TTN: variants seen among roughly 807,000 people sequenced by gnomAD.
The protein encoded by TTN is titin.
In TTN, 1,525 loss-of-function variants were observed where a neutral mutation model predicts 3,223.0. The observed-to-expected ratio is 0.47, with a 90% CI of 0.45 to 0.49. The LOEUF (loss-of-function observed/expected upper bound fraction) is 0.49, where lower values mean the gene tolerates loss of function less well. Among genes scored for constraint, TTN ranks in the 20% least tolerant of loss-of-function variants. TTN has a pLI of 0.00. For missense variants in TTN, 40,786 were observed against 43,424.0 expected, an observed-to-expected ratio of 0.94 and a Z score of 5.40; for synonymous variants, 14,094 against 15,161.0, an observed-to-expected ratio of 0.93 and a Z score of 5.17.
chr2:178,799,440 C>G, intron 6 of TTN, 47 bp downstream of exon 6: 1 of 1,613,106 alleles, frequency 6.2e-7, no homozygotes, highest in Non-Finnish European at 8.5e-7. Context: ...GTTTCAAAAC[C>G]TAGTTCCAAA....
intron 236 of TTN, 122 bp downstream of exon 236, chr2:178,632,025 T>G: frequency 9.6e-7 from 1 of 1,039,516 alleles, no homozygotes; most frequent in Non-Finnish European, 1.3e-6. Context: ...ATGTGATAGC[T>G]TCTTAAGGAG....
In TTN at chr2:178,534,146, A is replaced by T. The variant is rs1690398019; in HGVS notation, c.102469T>A (p.Cys34157Ser). Residue 34157 changes from cysteine to serine, a missense_variant, in exon 358 of 363, where the codon TGC becomes AGC. Physicochemically the swap from Cys to Ser is moderately radical, Grantham distance 112. Transcript: ENST00000589042. ...GEEGGHVKYV[C>S]KIENYDQSTQ... ...GACTGATCATAATTTTCAATTTTGC[A>T]TACATATTTGACATGTCCTCCTTCT... 3 of 1,613,840 alleles carry T rather than the reference A, an allele frequency of 1.9e-6. No homozygotes were observed. The highest frequency in any genetic ancestry group is 1.3e-5 in the African/African-American group (1 of 74,908).
At chr2:178,648,884 T>A (rs1033637601) in intron 213 of TTN, among the ~76,000 whole-genome samples, 3 of 152,184 alleles carry the variant, frequency 2.0e-5, no homozygotes, top group South Asian at 4.1e-4. Context: ...TCCTGTTATC[T>A]TTCTATCCTC....
At chr2:178,800,314 G>C in intron 4 of TTN, 81 bp downstream of exon 4, 1 of 1,565,472 alleles carries the variant, frequency 6.4e-7, no homozygotes, top group African/African-American at 1.4e-5. Context: ...GCTGTGAGAG[G>C]TGGCAAGTGG....
Position 178,634,602 on chromosome 2 carries a change from A to G in TTN, c.42179T>C (p.Leu14060Pro). Residue 14060 changes from leucine (L) to proline (P), a missense_variant, in exon 230 of 363, where the codon CTG (leucine) becomes CCG (proline). Coordinates refer to ENST00000589042, the MANE Select transcript of TTN (RefSeq NM_001267550.2). This position sits in a 1 kb window ranked among gnomAD's most constrained non-coding sequence, Gnocchi z 4.6. Reference protein sequence around the residue: ...KEIELDFAVPLKDVTVPERRQ... With the variant: ...KEIELDFAVPPKDVTVPERRQ... Reference sequence around the variant, plus strand: ...CCTTTCTGGAACAGTGACATCCTTCAGGGGCACAGCAAAGTCAAGTTCGAT... The same window carrying G: ...CCTTTCTGGAACAGTGACATCCTTCGGGGGCACAGCAAAGTCAAGTTCGAT... 1 of 1,613,358 alleles carries G rather than the reference A, an allele frequency of 6.2e-7. No homozygotes were observed.
intron 163 of TTN, among the ~76,000 whole-genome samples, chr2:178,666,259 A>T (rs1027221820): frequency 3.9e-5 from 6 of 152,124 alleles, no homozygotes; most frequent in Non-Finnish European, 8.8e-5. Flanking sequence ...CAAATTACAG[A>T]ATACCATGGG....
Position 178,804,561 on chromosome 2 carries a change from G to A in TTN, c.82C>T (p.His28Tyr). 1 of 1,613,908 alleles carries A rather than the reference G, an allele frequency of 6.2e-7. No homozygotes were observed. Among genetic ancestry groups the A allele is most frequent in the Non-Finnish European group, 8.5e-7 (1 of 1,179,936 alleles). The change falls in exon 2 of 363, where the codon CAC becomes TAC. Residue 28 changes from histidine (H) to tyrosine (Y), a missense_variant. Coordinates refer to ENST00000589042, the MANE Select transcript of TTN (RefSeq NM_001267550.2). The part of the protein sequence containing the change: ...LEGSTATFEA[H>Y]ISGFPVPEVS... ...GAATGTGTGAGCTTACCACTAATGT[G>A]AGCCTCAAAGGTTGCGGTACTACCC...
At position 178,571,095 on chromosome 2, in the gene TTN, G is replaced by T; in HGVS notation, c.75037C>A (p.Pro25013Thr). 6.2e-7 allele frequency: 1 copy of T among 1,613,374 alleles called. No individual in the cohort carries two copies. Among genetic ancestry groups the T allele is most frequent in the Non-Finnish European group, 8.5e-7 (1 of 1,179,578 alleles). Residue 25013 changes from proline to threonine, a missense_variant, in exon 326 of 363, where the codon CCA (proline) becomes ACA (threonine). Physicochemically the swap from Pro to Thr is conservative, Grantham distance 38. Coordinates refer to ENST00000589042, the MANE Select transcript of TTN (RefSeq NM_001267550.2). ...TTCCTTGTGACAATGATTGCCTCTGGCCGTCCTGGTGGATCACATGGGTCA... is the reference window on the plus strand; with the variant it reads ...TTCCTTGTGACAATGATTGCCTCTGTCCGTCCTGGTGGATCACATGGGTCA... ...ARDPCDPPGR[P>T]EAIIVTRNSV...
chr2:178,684,036 T>A lies in TTN; in HGVS notation c.32769A>T (p.Lys10923Asn). The A allele has an allele frequency of 6.2e-7, 1 of 1,612,108 alleles. No homozygotes were observed. Among genetic ancestry groups the A allele is most frequent in the Non-Finnish European group, 8.5e-7 (1 of 1,178,976 alleles). The change falls in exon 133 of 363, where the codon AAA becomes AAT. Residue 10923 changes from lysine to asparagine, a missense_variant. Lys to Asn is a moderately conservative substitution (Grantham distance 94, BLOSUM62 0). Coordinates refer to ENST00000589042, the MANE Select transcript of TTN (RefSeq NM_001267550.2). ...GTTCCTCCTCTCTTTTAGGTTTGAG[T>A]TTCAGAACTTTTTCTTCTGGGACAG... ...KRAVPEEKVLKLKPKREEEPP... is the reference protein window; with the variant it reads ...KRAVPEEKVLNLKPKREEEPP...
chr2:178,682,813 T>A lies in TTN; in HGVS notation c.32978A>T (p.Glu10993Val). The part of the protein sequence containing the change: ...VQREEEYEEY[E>V]EYDYKEFEEY... ...CTCAAATTCTTTATAATCATATTCT[T>A]CATATTCCTCATATTCTTCTTCCCG... The change falls in exon 135 of 363, where the codon GAA becomes GTA. Residue 10993 changes from glutamate to valine, a missense_variant. Coordinates refer to ENST00000589042, the MANE Select transcript of TTN (RefSeq NM_001267550.2). 6.2e-7 allele frequency: 1 copy of A among 1,612,392 alleles called. No homozygotes were observed. The highest frequency in any genetic ancestry group is 1.7e-4 in the Middle Eastern group (1 of 6,042).
chr2:178,630,136 T>G, intron 239 of TTN, 105 bp downstream of exon 239: 1 of 1,502,574 alleles, frequency 6.7e-7, no homozygotes, highest in East Asian at 2.4e-5. Flanking sequence ...TTTTTGTGTT[T>G]TAATAATATT....
rs766182859 is a variant in TTN at position 178,550,917 on chromosome 2, A to T, written c.91564+50T>A. ...AGGCCAGGGGCCAAATGTGTTTTTT[A>T]AAAATGTGAATGCTCTTAGTCTCAT... On this transcript the variant is annotated intron_variant, in intron 336 of 362. Coordinates refer to ENST00000589042, the MANE Select transcript of TTN (RefSeq NM_001267550.2). 4 of 1,560,300 alleles carry T rather than the reference A, an allele frequency of 2.6e-6. No individual in the cohort carries two copies. The Admixed American group carries it at 5.7e-5, about 22-fold the overall frequency.
In TTN at chr2:178,704,763, G is replaced by A. The variant is rs1437200210; in HGVS notation, c.29709C>T (p.Ile9903=). The A allele has an allele frequency of 1.2e-6, 2 of 1,609,858 alleles. No homozygotes were observed. ...RLSQTEPVTL[I]KDIENQTVLK... Reference sequence around the variant, plus strand: ...AAACTGTCTGATTTTCAATGTCCTTGATCAGAGTGACAGGCTAGGAGAATA... The same window carrying A: ...AAACTGTCTGATTTTCAATGTCCTTAATCAGAGTGACAGGCTAGGAGAATA... The change falls in exon 105 of 363, where the codon ATC becomes ATT. Residue 9903 remains isoleucine, a synonymous_variant. Coordinates refer to ENST00000589042, the MANE Select transcript of TTN (RefSeq NM_001267550.2).
chr2:178,715,930 G>T (rs1286341397), intron 88 of TTN, among the ~76,000 whole-genome samples, 156 bp from the exon 89 acceptor site: 1 of 152,088 alleles, frequency 6.6e-6, no homozygotes, highest in Non-Finnish European at 1.5e-5. Flanking sequence ...AACCTAAATA[G>T]AAAATTTCTA....
rs1242603048 is a variant in TTN, at chr2:178,546,880, T to A, written c.94548A>T (p.Thr31516=). The change falls in exon 341 of 363, where the codon ACA becomes ACT. Residue 31516 remains threonine (T), a synonymous_variant. Coordinates refer to ENST00000589042, the MANE Select transcript of TTN (RefSeq NM_001267550.2). ...PVDAPGRPEV[T]DVTRSTVSLI... ...GTGATACTGTTGATCTTGTGACATC[T>A]GTCACCTCTGGTCTGCCTGGTGCAT... 6.3e-7 allele frequency: 1 copy of A among 1,593,256 alleles called. No homozygotes were observed. The highest frequency in any genetic ancestry group is 1.7e-5 in the Admixed American group (1 of 59,236).
chr2:178,636,994 A>G lies in TTN; in HGVS notation c.40928-195T>C, dbSNP rs1027419403. On this transcript the variant is annotated intron_variant, in intron 224 of 362. Coordinates refer to ENST00000589042, the MANE Select transcript of TTN (RefSeq NM_001267550.2). This position sits in a 1 kb window ranked among gnomAD's most constrained non-coding sequence, Gnocchi z 4.3. ...GAAAATGAGATGGTATAAGGAATCC[A>G]TGAATAATAAATGTCCCTTTTCTCA... is the stretch of plus-strand genomic sequence containing the variant. Among the ~76,000 whole-genome samples the G allele has an allele frequency of 6.6e-6, 1 of 151,672 alleles. No homozygotes were observed. The highest frequency in any genetic ancestry group is 2.4e-5 in the African/African-American group (1 of 41,374).
chr2:178,620,435 G>C lies in TTN; in HGVS notation c.46086C>G (p.Asp15362Glu), dbSNP rs2058092096. The change falls in exon 248 of 363, where the codon GAC becomes GAG. Residue 15362 changes from aspartate (D) to glutamate (E), a missense_variant. Coordinates refer to ENST00000589042, the MANE Select transcript of TTN (RefSeq NM_001267550.2). ...DKYKHMLTIKDCGFPDEGEYI... is the reference protein window; with the variant it reads ...DKYKHMLTIKECGFPDEGEYI... The stretch of plus-strand genomic sequence containing the variant: ...ATTCACCTTCATCTGGGAAGCCACA[G>C]TCTTTAATGGTTAACATGTGCTTGT... 1 of 1,612,272 alleles carries C rather than the reference G, an allele frequency of 6.2e-7. No homozygotes were observed. Among genetic ancestry groups the C allele is most frequent in the Non-Finnish European group, 8.5e-7 (1 of 1,178,890 alleles).
rs1413287731 is a variant in TTN, at chr2:178,592,771, T to C, written c.59344+4A>G. ...GCAAACACAAGTGAGAGCATTTTAC[T>C]CACCAAGCCTGTCTTTTACTAGGAC... On this transcript the variant is annotated splice_donor_region_variant and intron_variant, in intron 300 of 362. Transcript: ENST00000589042. The C allele has an allele frequency of 6.2e-7, 1 of 1,613,034 alleles. No individual in the cohort carries two copies. Among genetic ancestry groups the C allele is most frequent in the Non-Finnish European group, 8.5e-7 (1 of 1,179,550 alleles).
Position 178,591,444 on chromosome 2 carries a change from G to C in TTN, c.60281C>G (p.Thr20094Ser), listed in dbSNP as rs772591561. 5.6e-6 allele frequency: 9 copies of C among 1,601,004 alleles called. No homozygotes were observed. The East Asian group carries it at 1.8e-4, about 32-fold the overall frequency. ...LIEGLVVKAG[T>S]TVRFPAIIRG... is the part of the protein sequence containing the mutation. ...TATAATAGCAGGGAATCTGACTGTG[G>C]TTCCAGCCTTTACCACAAGACCTTC... Residue 20094 changes from threonine (T) to serine (S), a missense_variant, in exon 304 of 363, where the codon ACC (threonine) becomes AGC (serine). Thr to Ser is a moderately conservative substitution (Grantham distance 58). Transcript: ENST00000589042.
Sources: gnomAD v4.1 joint callset for allele counts (sites outside exome capture counted in the v4.1 genomes callset) on GRCh38, gnomAD v4.1.1 for gene constraint, Gnocchi (gnomAD v3.1) non-coding constraint, MANE v1.5 for transcripts, NCBI Gene and HGNC (gene_info 2026-07-23, HGNC 2026-07-21) for gene names.